RUNDC3B: variants seen among roughly 807,000 people sequenced by gnomAD.
RUNDC3B encodes the protein RUN domain containing 3B, also known as RUN domain-containing protein 3B.
Under a neutral mutation model 58.4 loss-of-function variants are expected in RUNDC3B, and 33 were observed. That is an observed-to-expected ratio of 0.56 (90% CI 0.43 to 0.75). The LOEUF is 0.75. Among genes scored for constraint, RUNDC3B ranks in the 30% least tolerant of loss-of-function variants. The pLI, the probability that RUNDC3B is intolerant of heterozygous loss-of-function variation, is 0.00. For missense variants in RUNDC3B, 501 were observed against 535.7 expected (o/e 0.94, Z 0.64); for synonymous variants, 193 against 195.2 (o/e 0.99, Z 0.10).
intron 4 of RUNDC3B, among the ~76,000 whole-genome samples, chr7:87,713,606 G>A (rs935546077): frequency 7.7e-5 from 11 of 142,780 alleles, no homozygotes; most frequent in Admixed American, 6.5e-4. Context: ...GAGTTGAGAA[G>A]TTTAGCCAGA....
chr7:87,734,789 T>TC (rs1433333438), intron 4 of RUNDC3B, among the ~76,000 whole-genome samples: 1 of 149,592 alleles, frequency 6.7e-6, no homozygotes, highest in African/African-American at 2.4e-5. Context: ...CATACTGTAC[T>TC]CCATCTCCCA....
intron 10 of RUNDC3B, among the ~76,000 whole-genome samples, chr7:87,820,656 C>A (rs1024352592): frequency 4.6e-5 from 7 of 152,048 alleles, no homozygotes; most frequent in African/African-American, 1.7e-4. Flanking sequence ...ACTAGCAAAC[C>A]GAATCCAGCA....
intron 6 of RUNDC3B, among the ~76,000 whole-genome samples, chr7:87,750,862 G>T (rs1021008225): frequency 6.6e-6 from 1 of 151,266 alleles, no homozygotes; most frequent in Non-Finnish European, 1.5e-5. Flanking sequence ...TTCTTTTGCT[G>T]TGCAGAAGCT....
At chr7:87,829,082 G>A (rs1402394211) in intron 10 of RUNDC3B, among the ~76,000 whole-genome samples, 1 of 152,090 alleles carries the variant, frequency 6.6e-6, no homozygotes, top group Non-Finnish European at 1.5e-5. Flanking sequence ...CTGATGATGA[G>A]CATATATTCA....
intron 2 of RUNDC3B, among the ~76,000 whole-genome samples, chr7:87,692,224 G>C (rs575410919): frequency 1.6e-3 from 241 of 152,210 alleles, no homozygotes; most frequent in Non-Finnish European, 2.8e-3. Context: ...ACCACGGCAG[G>C]ATAATCCATT....
intron 6 of RUNDC3B, among the ~76,000 whole-genome samples, chr7:87,751,093 C>T (rs1832953642): frequency 6.6e-6 from 1 of 152,204 alleles, no homozygotes; most frequent in South Asian, 2.1e-4. Flanking sequence ...CAGCTTTCTA[C>T]ATATGGCTAG....
In RUNDC3B at chr7:87,722,270, T is replaced by C. The variant is rs181465270; in HGVS notation, c.458+11615T>C. On this transcript the variant is annotated intron_variant, in intron 4 of 10. Coordinates refer to ENST00000394654, the MANE Select transcript of RUNDC3B (RefSeq NM_001134405.2). Reference sequence around the variant, plus strand: ...ATATACAATATATTATTATTAACTATTGTCACCATTCTGTACAGTAGATCT... The same window carrying C: ...ATATACAATATATTATTATTAACTACTGTCACCATTCTGTACAGTAGATCT... 8.3e-3 allele frequency among the ~76,000 whole-genome samples: 1,264 copies of C among 152,212 alleles called. 10 individuals carry two copies. The highest frequency in any genetic ancestry group is 0.014 in the Admixed American group (217 of 15,262).
At chr7:87,703,868 A>T (rs1585149933) in intron 3 of RUNDC3B, among the ~76,000 whole-genome samples, 1 of 60,844 alleles carries the variant, frequency 1.6e-5, no homozygotes, top group African/African-American at 6.1e-5. Flanking sequence ...ATCTTAGGTG[A>T]GCTTTATCAG....
intron 2 of RUNDC3B, among the ~76,000 whole-genome samples, chr7:87,691,074 T>G (rs1249060993): frequency 6.6e-6 from 1 of 152,126 alleles, no homozygotes; most frequent in Non-Finnish European, 1.5e-5. Flanking sequence ...AAAACAAAGT[T>G]GGAACATGGC....
chr7:87,658,418 G>C (rs1824337729), intron 2 of RUNDC3B, among the ~76,000 whole-genome samples: 2 of 152,142 alleles, frequency 1.3e-5, no homozygotes, highest in African/African-American at 4.8e-5. Flanking sequence ...AATAACAAAA[G>C]ATGACACCTG....
chr7:87,646,577 C>T (rs1417300552), intron 1 of RUNDC3B, among the ~76,000 whole-genome samples: 1 of 152,124 alleles, frequency 6.6e-6, no homozygotes, highest in Non-Finnish European at 1.5e-5. Context: ...TTCCATTCTA[C>T]TGAATGAAGA....
At chr7:87,828,255 T>C (rs938768830) in intron 10 of RUNDC3B, among the ~76,000 whole-genome samples, 3 of 152,134 alleles carry the variant, frequency 2.0e-5, no homozygotes, top group Non-Finnish European at 4.4e-5. Context: ...AGGGGTGTAT[T>C]TGCAGGTTTG....
intron 7 of RUNDC3B, among the ~76,000 whole-genome samples, chr7:87,773,831 CCA>C (rs1834457091): frequency 1.3e-5 from 2 of 152,160 alleles, no homozygotes; most frequent in South Asian, 2.1e-4. Flanking sequence ...GCATGTGACA[CCA>C]CACCTGGCCA....
At chr7:87,741,728 G>T in intron 6 of RUNDC3B, 149 bp downstream of exon 6, 2 of 494,720 alleles carry the variant, frequency 4.0e-6, no homozygotes, top group Non-Finnish European at 7.2e-6. Flanking sequence ...TGCATTTTTA[G>T]TATTTATTAT....
At chr7:87,691,874 G>C (rs1280378952) in intron 2 of RUNDC3B, among the ~76,000 whole-genome samples, 1 of 152,114 alleles carries the variant, frequency 6.6e-6, no homozygotes, top group African/African-American at 2.4e-5. Context: ...CTGGGTCTTG[G>C]CAGCCTTGTC....
At chr7:87,752,582 C>T (rs1266386280) in intron 6 of RUNDC3B, among the ~76,000 whole-genome samples, 3 of 152,170 alleles carry the variant, frequency 2.0e-5, no homozygotes, top group African/African-American at 7.2e-5. Context: ...AGAGATTCAA[C>T]TTCTTCCTGG....
intron 2 of RUNDC3B, among the ~76,000 whole-genome samples, chr7:87,693,737 G>A (rs989621160): frequency 1.3e-5 from 2 of 152,196 alleles, no homozygotes; most frequent in African/African-American, 4.8e-5. Context: ...CTTACCAAGT[G>A]TAGCTCATAT....
chr7:87,788,793 A>G (rs1835369509), intron 8 of RUNDC3B, among the ~76,000 whole-genome samples: 1 of 148,340 alleles, frequency 6.7e-6, no homozygotes, highest in Non-Finnish European at 1.5e-5. Flanking sequence ...TTACATATGT[A>G]TACATGTGCC....
chr7:87,783,516 C>T (rs571625731), intron 8 of RUNDC3B, among the ~76,000 whole-genome samples: 55 of 152,128 alleles, frequency 3.6e-4, no homozygotes, highest in African/African-American at 1.3e-3. Context: ...TGGTTAATAT[C>T]GCTATGTGAT....
Sources: allele counts gnomAD v4.1 joint callset (sites outside exome capture counted in the v4.1 genomes callset), GRCh38; gene constraint gnomAD v4.1.1; transcripts MANE v1.5; gene names NCBI Gene and HGNC (gene_info 2026-07-23, HGNC 2026-07-21).